The following KIAA1328 variants were observed in gnomAD, a reference collection of about 807,000 sequenced individuals.
KIAA1328 encodes the protein KIAA1328, also known as protein hinderin.
Under a neutral mutation model 68.1 loss-of-function variants are expected in KIAA1328, and 52 were observed. The ratio of observed to expected loss-of-function variants is 0.76; its 90% CI spans 0.61 to 0.96. The LOEUF is 0.96. Ranked by LOEUF, KIAA1328 falls within the 40% of genes least tolerant of loss-of-function variation. KIAA1328 has a pLI of 0.00. For synonymous variants in KIAA1328, 232 were observed against 239.4 expected (o/e 0.97, Z 0.28); for missense variants, 641 against 677.6 (o/e 0.95, Z 0.60).
chr18:37,037,380 A>G (rs369223764), intron 6 of KIAA1328, among the ~76,000 whole-genome samples: 2 of 152,118 alleles, frequency 1.3e-5, no homozygotes, highest in African/African-American at 4.8e-5. Context: ...ATTCACCCCA[A>G]TTACCCTTCA....
intron 5 of KIAA1328, among the ~76,000 whole-genome samples, chr18:36,927,149 G>T (rs1049872756): frequency 6.6e-6 from 1 of 152,108 alleles, no homozygotes; most frequent in Non-Finnish European, 1.5e-5. Context: ...AGATTTGGAG[G>T]GGACAAATAT....
intron 5 of KIAA1328, among the ~76,000 whole-genome samples, chr18:36,917,024 C>T (rs1159041529): frequency 2.6e-5 from 4 of 151,676 alleles, no homozygotes; most frequent in Non-Finnish European, 5.9e-5. Flanking sequence ...CAAAAAAAAT[C>T]TTAGCATCAG....
intron 6 of KIAA1328, among the ~76,000 whole-genome samples, chr18:37,002,450 TCTTTAGTGATCCTACCAC>T (rs1364602652): frequency 6.6e-6 from 1 of 151,678 alleles, no homozygotes; most frequent in African/African-American, 2.4e-5. Flanking sequence ...GAACTCCTGG[TCTTTAGTGATCCTACCAC>T]CTTGCTTCCC....
At chr18:37,174,423 G>A (rs1276970265) in intron 9 of KIAA1328, among the ~76,000 whole-genome samples, 39 of 124,322 alleles carry the variant, frequency 3.1e-4, no homozygotes, top group Non-Finnish European at 4.4e-4. Context: ...TCACTCTGTC[G>A]CCAGGCTGGA....
At chr18:37,055,951 A>G (rs993114937) in intron 6 of KIAA1328, among the ~76,000 whole-genome samples, 1 of 152,216 alleles carries the variant, frequency 6.6e-6, no homozygotes, top group African/African-American at 2.4e-5. Flanking sequence ...TCATAAATGC[A>G]TTGGAAGTAA....
chr18:36,971,468 A>G (rs2052208109), intron 6 of KIAA1328, among the ~76,000 whole-genome samples: 1 of 152,114 alleles, frequency 6.6e-6, no homozygotes, highest in Admixed American at 6.5e-5. Context: ...TGTCTCTACT[A>G]AAAATACAGA....
At chr18:37,116,076 C>A (rs2058097574) in intron 7 of KIAA1328, among the ~76,000 whole-genome samples, 1 of 152,122 alleles carries the variant, frequency 6.6e-6, no homozygotes, top group South Asian at 2.1e-4. Context: ...ATGAAAATGG[C>A]CATACTGCCC....
chr18:37,023,686 G>C (rs974714147), intron 6 of KIAA1328, among the ~76,000 whole-genome samples: 1 of 152,158 alleles, frequency 6.6e-6, no homozygotes, highest in African/African-American at 2.4e-5. Context: ...AGCTGACAAG[G>C]ATTGTATGTG....
intron 6 of KIAA1328, among the ~76,000 whole-genome samples, chr18:36,995,133 G>A (rs576113334): frequency 7.0e-4 from 106 of 152,120 alleles, no homozygotes; most frequent in Non-Finnish European, 1.2e-3. Flanking sequence ...ACAGGCCCCG[G>A]TGTGTGATGT....
intron 7 of KIAA1328, among the ~76,000 whole-genome samples, chr18:37,126,308 T>G (rs2151945370): frequency 6.6e-6 from 1 of 152,276 alleles, no homozygotes; most frequent in African/African-American, 2.4e-5. Context: ...ACTCAACCTG[T>G]CATATAAACA....
At chr18:37,088,275 T>G (rs1228188111) in intron 7 of KIAA1328, among the ~76,000 whole-genome samples, 1 of 152,208 alleles carries the variant, frequency 6.6e-6, no homozygotes, top group Non-Finnish European at 1.5e-5. Flanking sequence ...TATAACTTTT[T>G]TGTTCTTTTA....
intron 9 of KIAA1328, among the ~76,000 whole-genome samples, chr18:37,177,678 GTTTTA>G (rs1158806208): frequency 6.6e-6 from 1 of 151,794 alleles, no homozygotes; most frequent in Admixed American, 6.6e-5. Flanking sequence ...TTTTTGTTTT[GTTTTA>G]TTTTGTTTTG....
intron 6 of KIAA1328, among the ~76,000 whole-genome samples, chr18:37,054,575 A>G (rs1022757988): frequency 6.6e-6 from 1 of 152,184 alleles, no homozygotes; most frequent in African/African-American, 2.4e-5. Context: ...AAAGTCAAAT[A>G]CCACACGTTC....
At chr18:36,831,950 C>T (rs2046507215) in intron 1 of KIAA1328, among the ~76,000 whole-genome samples, 1 of 151,854 alleles carries the variant, frequency 6.6e-6, no homozygotes, top group African/African-American at 2.4e-5. Flanking sequence ...AAATAGCACA[C>T]AAAAAAATAC....
chr18:37,103,803 TACACACACACACACACACACAC>T (rs60337954), intron 7 of KIAA1328, among the ~76,000 whole-genome samples: 1 of 145,656 alleles, frequency 6.9e-6, no homozygotes, highest in Non-Finnish European at 1.5e-5. Flanking sequence ...CAATAGCAAA[TACACACACACACACACACACAC>T]ACACACACAC....
At chr18:36,841,434 C>T (rs1261896) in intron 3 of KIAA1328, among the ~76,000 whole-genome samples, 117,538 of 150,960 alleles carry the variant, frequency 0.78, 46,441 homozygotes, top group African/African-American at 0.91. Flanking sequence ...ACACCATCTA[C>T]TGGGAAGAGG....
At chr18:37,049,895 G>T (rs568295616) in intron 6 of KIAA1328, among the ~76,000 whole-genome samples, 1 of 152,072 alleles carries the variant, frequency 6.6e-6, no homozygotes, top group African/African-American at 2.4e-5. Context: ...TACAGTGTAC[G>T]TACTTTTTCC....
intron 6 of KIAA1328, among the ~76,000 whole-genome samples, chr18:36,991,799 C>G (rs930581935): frequency 6.6e-6 from 1 of 152,066 alleles, no homozygotes; most frequent in Non-Finnish European, 1.5e-5. Flanking sequence ...CATGATTTAT[C>G]CAAAAAAGTA....
chr18:37,129,617 G>A (rs1345874726), intron 7 of KIAA1328, among the ~76,000 whole-genome samples: 1 of 152,112 alleles, frequency 6.6e-6, no homozygotes, highest in African/African-American at 2.4e-5. Flanking sequence ...TCTTTCTTCC[G>A]GTGGAAGAGA....
Sources: allele counts gnomAD v4.1 joint callset (sites outside exome capture counted in the v4.1 genomes callset), GRCh38; gene constraint gnomAD v4.1.1; transcripts MANE v1.5; gene names NCBI Gene and HGNC (gene_info 2026-07-23, HGNC 2026-07-21).